PTPRD: variants seen among roughly 807,000 people sequenced by gnomAD.
PTPRD encodes the protein protein tyrosine phosphatase receptor type D.
In PTPRD, 34 loss-of-function variants were observed where a neutral mutation model predicts 214.5. That is an observed-to-expected ratio of 0.16 (90% confidence interval 0.12 to 0.21). The LOEUF (loss-of-function observed/expected upper bound fraction) is 0.21. PTPRD is among the 10% of genes least tolerant of loss of function. The pLI is 1.00. For synonymous variants in PTPRD, 1,128 were observed against 845.7 expected (o/e 1.33, Z -5.79); for missense variants, 2,545 against 2,398.7 (o/e 1.06, Z -1.27).
intron 10 of PTPRD, among the ~76,000 whole-genome samples, chr9:9,042,883 G>T (rs1419251583): frequency 6.6e-6 from 1 of 152,130 alleles, no homozygotes; most frequent in African/African-American, 2.4e-5. Context: ...GGTAGCTGCA[G>T]TATCTGGTCT....
chr9:9,697,355 G>C lies in PTPRD; in HGVS notation c.-287+37178C>G, dbSNP rs188510531. ...TGAAAAACTCCCTACAGAATTTCTT[G>C]TAAGATGGGTCTGATGGTTATAAGT... is the stretch of plus-strand genomic sequence containing the variant. On this transcript the variant is annotated intron_variant, in intron 7 of 45. Transcript: ENST00000381196. Among the ~76,000 whole-genome samples the C allele has an allele frequency of 4.6e-3, 703 of 152,150 alleles. 6 individuals carry two copies. Among genetic ancestry groups the C allele is most frequent in the African/African-American group, 0.016 (671 of 41,538 alleles).
In PTPRD at chr9:8,926,104, T is replaced by G. The variant is rs551996430; in HGVS notation, c.-104+92593A>C. ...CACGATTTCTAGTCATTCCCAAGCT[T>G]CTTGCAGGCCCTTAACATGACGTGC... is the stretch of plus-strand genomic sequence containing the variant. On this transcript the variant is annotated intron_variant, in intron 11 of 45. Coordinates refer to ENST00000381196, the MANE Select transcript of PTPRD (RefSeq NM_002839.4). Among the ~76,000 whole-genome samples, 4 of 152,148 alleles carry G rather than the reference T, an allele frequency of 2.6e-5. No homozygotes were observed. In the South Asian group the frequency reaches 6.2e-4, roughly 24 times the overall value.
intron 8 of PTPRD, among the ~76,000 whole-genome samples, chr9:9,402,820 A>G (rs2071236914): frequency 6.6e-6 from 1 of 151,888 alleles, no homozygotes; most frequent in African/African-American, 2.4e-5. Context: ...TATATTAAAC[A>G]CAACTAAAGG....
chr9:10,214,266 C>T (rs1023028943), intron 3 of PTPRD, among the ~76,000 whole-genome samples: 1 of 151,384 alleles, frequency 6.6e-6, no homozygotes, highest in Non-Finnish European at 1.5e-5. Flanking sequence ...GCAATTAATT[C>T]TTTTTGTTTG....
At chr9:9,190,347 A>T (rs561089472) in intron 9 of PTPRD, among the ~76,000 whole-genome samples, 1 of 152,100 alleles carries the variant, frequency 6.6e-6, no homozygotes, top group Non-Finnish European at 1.5e-5. Flanking sequence ...TAAGTGAATC[A>T]TGGGGCCAGT....
intron 5 of PTPRD, among the ~76,000 whole-genome samples, chr9:9,788,506 C>A (rs1265528766): frequency 7.2e-6 from 1 of 139,002 alleles, no homozygotes; most frequent in Non-Finnish European, 1.5e-5. Flanking sequence ...GAGCCGAGAT[C>A]GGGCCACGGC....
chr9:8,616,162 C>T (rs2095605478), intron 14 of PTPRD, among the ~76,000 whole-genome samples: 1 of 152,114 alleles, frequency 6.6e-6, no homozygotes, highest in Non-Finnish European at 1.5e-5. Flanking sequence ...CATATCCTGA[C>T]TTTCTAACCA....
intron 5 of PTPRD, among the ~76,000 whole-genome samples, chr9:9,867,532 G>C (rs1192952075): frequency 1.3e-5 from 2 of 151,926 alleles, no homozygotes; most frequent in Non-Finnish European, 2.9e-5. Context: ...AATCTCAGAG[G>C]AACTGAGATT....
chr9:8,384,174 T>C (rs573653450), intron 37 of PTPRD, among the ~76,000 whole-genome samples: 1 of 152,064 alleles, frequency 6.6e-6, no homozygotes, highest in South Asian at 2.1e-4. Context: ...AATAATATCC[T>C]TGGAGTGGAA....
At chr9:9,200,981 T>C (rs1298523437) in intron 9 of PTPRD, among the ~76,000 whole-genome samples, 1 of 152,192 alleles carries the variant, frequency 6.6e-6, no homozygotes, top group Non-Finnish European at 1.5e-5. Context: ...GCAAATATCT[T>C]AAATTCTGTT....
At chr9:10,007,574 G>T (rs963280541) in intron 4 of PTPRD, among the ~76,000 whole-genome samples, 1 of 151,928 alleles carries the variant, frequency 6.6e-6, no homozygotes, top group South Asian at 2.1e-4. Context: ...TCTCACGAAT[G>T]CCTTCTGGTC....
intron 2 of PTPRD, among the ~76,000 whole-genome samples, chr9:10,562,332 T>C (rs2064212743): frequency 6.6e-6 from 1 of 150,836 alleles, no homozygotes; most frequent in African/African-American, 2.4e-5. Flanking sequence ...TCGTTAACTT[T>C]TTTTTTTTTT....
At chr9:9,091,507 T>C (rs1378085021) in intron 10 of PTPRD, among the ~76,000 whole-genome samples, 1 of 152,186 alleles carries the variant, frequency 6.6e-6, no homozygotes, top group African/African-American at 2.4e-5. Context: ...TGGACATTTG[T>C]CCTACAGCAA....
intron 3 of PTPRD, among the ~76,000 whole-genome samples, chr9:10,107,359 T>C (rs975028832): frequency 1.3e-5 from 2 of 152,042 alleles, no homozygotes; most frequent in Non-Finnish European, 2.9e-5. Flanking sequence ...AATCAGGGTA[T>C]GGAATATCTT....
intron 2 of PTPRD, among the ~76,000 whole-genome samples, chr9:10,437,105 A>T (rs931724776): frequency 6.6e-6 from 1 of 151,732 alleles, no homozygotes; most frequent in African/African-American, 2.4e-5. Context: ...TCCCTGAAGA[A>T]TGGTACATTT....
At chr9:8,762,335 T>C (rs879355173) in intron 11 of PTPRD, among the ~76,000 whole-genome samples, 2 of 152,180 alleles carry the variant, frequency 1.3e-5, no homozygotes, top group Non-Finnish European at 2.9e-5. Flanking sequence ...CCCTTATTGT[T>C]AGGACTATAT....
intron 7 of PTPRD, among the ~76,000 whole-genome samples, chr9:9,681,156 T>G (rs2097060686): frequency 6.6e-6 from 1 of 151,848 alleles, no homozygotes; most frequent in South Asian, 2.1e-4. Context: ...CACTTGAATC[T>G]GGGATACCTT....
intron 18 of PTPRD, among the ~76,000 whole-genome samples, chr9:8,524,022 C>A (rs948538006): frequency 5.3e-5 from 8 of 151,972 alleles, no homozygotes; most frequent in African/African-American, 1.9e-4. Flanking sequence ...CACCCCCACC[C>A]ATGCCTTTGT....
intron 12 of PTPRD, among the ~76,000 whole-genome samples, chr9:8,657,710 G>A (rs535909598): frequency 5.3e-5 from 8 of 152,112 alleles, no homozygotes; most frequent in South Asian, 2.1e-4. Context: ...ATCTTTGCCC[G>A]TGCCTATGTC....
Sources: allele counts gnomAD v4.1 joint callset (sites outside exome capture counted in the v4.1 genomes callset), GRCh38; gene constraint gnomAD v4.1.1; transcripts MANE v1.5; gene names NCBI Gene and HGNC (gene_info 2026-07-23, HGNC 2026-07-21).